CYP2C8: variants seen among roughly 807,000 people sequenced by gnomAD.
CYP2C8 encodes the protein cytochrome P450 family 2 subfamily C member 8, also known as cytochrome P450 2C8.
A neutral mutation model predicts 41.3 loss-of-function variants in CYP2C8; 51 were observed. The ratio of observed to expected loss-of-function variants is 1.24; its 90% CI spans 0.99 to 1.56. The LOEUF (loss-of-function observed/expected upper bound fraction) is 1.56, where lower values mean the gene tolerates loss of function less well. Among genes scored for constraint, CYP2C8 ranks in the 40% most tolerant of loss-of-function variants. CYP2C8 has a pLI of 0.00. For missense variants in CYP2C8, 651 were observed against 579.9 expected, an observed-to-expected ratio of 1.12 and a Z score of -1.26; for synonymous variants, 218 against 205.8, an observed-to-expected ratio of 1.06 and a Z score of -0.51.
Position 95,037,237 on chromosome 10 carries a change from T to A in CYP2C8, c.1364A>T (p.Asn455Ile). The change falls in exon 9 of 9, where the codon AAC (asparagine) becomes ATC (isoleucine). Residue 455 changes from asparagine to isoleucine, a missense_variant. Physicochemically the swap from Asn to Ile is moderately radical, Grantham distance 149. Transcript: ENST00000371270. ...LFLFLTTILQ[N>I]FNLKSVDDLK... ...ATCATCAACAGATTTCAGGTTAAAG[T>A]TCTGTAAAATTGTGGTTAGAAATAA... The A allele has an allele frequency of 6.2e-7, 1 of 1,613,836 alleles. No individual in the cohort carries two copies. The highest frequency in any genetic ancestry group is 8.5e-7 in the Non-Finnish European group (1 of 1,179,838).
At position 95,067,662 on chromosome 10, in the gene CYP2C8, G is replaced by A. The variant is rs780866535; in HGVS notation, c.198C>T (p.Thr66=). The change falls in exon 2 of 9, where the codon ACC becomes ACT. Residue 66 remains threonine, a synonymous_variant. Transcript: ENST00000371270. The part of the protein sequence containing the change: ...NFSKVYGPVF[T]VYFGMNPIVV... ...CTATGGGATTCATGCCAAAATACAC[G>A]GTGAACACAGGACCATAGACTTTTG... 1.7e-5 allele frequency: 27 copies of A among 1,613,926 alleles called. No homozygotes were observed. Among genetic ancestry groups the A allele is most frequent in the East Asian group, 4.5e-5 (2 of 44,890 alleles).
In CYP2C8 at chr10:95,062,158, G is replaced by T. The variant is rs144791249; in HGVS notation, c.642+2642C>A. The stretch of plus-strand genomic sequence containing the variant: ...AGTTCTGTAGATGTCTATTAGGTCC[G>T]CTTGGTGCAGAGCTGAGTTCAATTC... On this transcript the variant is annotated intron_variant, in intron 4 of 8. Transcript: ENST00000371270. Among the ~76,000 whole-genome samples, 14 of 152,150 alleles carry T rather than the reference G, an allele frequency of 9.2e-5. No individual in the cohort carries two copies. In the South Asian group the frequency reaches 2.9e-3, roughly 32 times the overall value.
intron 7 of CYP2C8, among the ~76,000 whole-genome samples, chr10:95,039,957 A>G (rs993893389): frequency 1.3e-5 from 2 of 152,210 alleles, no homozygotes; most frequent in Non-Finnish European, 2.9e-5. Context: ...AACATTTTAA[A>G]TGACTGCTGG....
At position 95,037,317 on chromosome 10, in the gene CYP2C8, T is replaced by C. The variant is rs186730985; in HGVS notation, c.1292-8A>G. The C allele has an allele frequency of 2.6e-4, 419 of 1,612,578 alleles. 4 individuals carry two copies. The South Asian group carries it at 3.9e-3, about 15-fold the overall frequency. Reference sequence around the variant, plus strand: ...CTGCACAAATTCGTTTTCCTGAAGATAACAAAGAAAGGAAGTAGTTACTCC... The same window carrying C: ...CTGCACAAATTCGTTTTCCTGAAGACAACAAAGAAAGGAAGTAGTTACTCC... On this transcript the variant is annotated splice_polypyrimidine_tract_variant and splice_region_variant and intron_variant, in intron 8 of 8. Coordinates refer to ENST00000371270, the MANE Select transcript of CYP2C8 (RefSeq NM_000770.3).
chr10:95,067,192 G>A lies in CYP2C8; in HGVS notation c.481+16C>T. The A allele has an allele frequency of 1.2e-6, 2 of 1,614,008 alleles. No homozygotes were observed. Among genetic ancestry groups the A allele is most frequent in the Non-Finnish European group, 1.7e-6 (2 of 1,179,922 alleles). On this transcript the variant is annotated intron_variant, in intron 3 of 8. Coordinates refer to ENST00000371270, the MANE Select transcript of CYP2C8 (RefSeq NM_000770.3). ...GGTAACTGTTAAGGTCAATGACGCAGAGTAGAGTCACCCACCCTTGGTTTT... is the reference window on the plus strand; with the variant it reads ...GGTAACTGTTAAGGTCAATGACGCAAAGTAGAGTCACCCACCCTTGGTTTT...
At chr10:95,039,235 T>C in intron 7 of CYP2C8, 197 bp from the exon 8 acceptor site, 3 of 585,132 alleles carry the variant, frequency 5.1e-6, no homozygotes, top group Non-Finnish European at 9.2e-6. Context: ...ATTTGAAGTC[T>C]TACATCTTGG....
At chr10:95,049,564 G>A (rs757922116) in intron 5 of CYP2C8, among the ~76,000 whole-genome samples, 6 of 152,102 alleles carry the variant, frequency 3.9e-5, no homozygotes, top group Non-Finnish European at 5.9e-5. Context: ...AACCAGCCCT[G>A]GCCAGAGGTG....
At chr10:95,044,746 T>A (rs2033075664) in intron 6 of CYP2C8, among the ~76,000 whole-genome samples, 1 of 152,142 alleles carries the variant, frequency 6.6e-6, no homozygotes, top group Non-Finnish European at 1.5e-5. Flanking sequence ...AGGTACCTGA[T>A]AAAAGGAGTT....
intron 8 of CYP2C8, 29 bp downstream of exon 8, chr10:95,038,868 A>C (rs750831683): frequency 3.1e-6 from 5 of 1,611,402 alleles, no homozygotes; most frequent in Non-Finnish European, 4.2e-6. Flanking sequence ...TCTTTCCTTT[A>C]AATACAAATG....
intron 4 of CYP2C8, among the ~76,000 whole-genome samples, chr10:95,061,982 T>G (rs1482197607): frequency 1.3e-5 from 2 of 152,228 alleles, no homozygotes; most frequent in Non-Finnish European, 2.9e-5. Flanking sequence ...AGTTCTAGTT[T>G]GATTGCGCTG....
At chr10:95,049,977 G>C (rs2033185713) in intron 5 of CYP2C8, among the ~76,000 whole-genome samples, 1 of 151,944 alleles carries the variant, frequency 6.6e-6, no homozygotes, top group African/African-American at 2.4e-5. Context: ...CAGCTAGCTG[G>C]CTATCAGGAA....
Position 95,069,408 on chromosome 10 carries a change from C to T in CYP2C8, c.-6G>A, listed in dbSNP as rs142144821. ...AGGACCACAAAAGGTTCCATTGAAG[C>T]CTTCTCTTCTTATTAAGACAGCTGT... is the stretch of plus-strand genomic sequence containing the variant. On this transcript the variant is annotated 5_prime_UTR_variant, in exon 1 of 9. Transcript: ENST00000371270. 2.6e-5 allele frequency: 42 copies of T among 1,613,762 alleles called. No individual in the cohort carries two copies. In the African/African-American group the frequency reaches 5.5e-4, roughly 21 times the overall value.
In CYP2C8 at chr10:95,058,500, A is replaced by C. The variant is rs1169468171; in HGVS notation, c.654T>G (p.Asn218Lys). 6.2e-7 allele frequency: 1 copy of C among 1,612,304 alleles called. No individual in the cohort carries two copies. Among genetic ancestry groups the C allele is most frequent in the Non-Finnish European group, 8.5e-7 (1 of 1,179,002 alleles). ...LNSPWIQVCNNFPLLIDCFPG... is the reference protein window; with the variant it reads ...LNSPWIQVCNKFPLLIDCFPG... ...GGAAACAATCAATGAGTAGAGGGAA[A>C]TTATTGCAGACCTAAAAGAGAAAAG... Residue 218 changes from asparagine to lysine, a missense_variant, in exon 5 of 9, where the codon AAT becomes AAG. Transcript: ENST00000371270.
chr10:95,054,309 C>A (rs764336469), intron 5 of CYP2C8, among the ~76,000 whole-genome samples: 1 of 151,970 alleles, frequency 6.6e-6, no homozygotes, highest in Non-Finnish European at 1.5e-5. Context: ...AAAAATCTAA[C>A]AAGATAGACC....
At chr10:95,067,131 C>A in intron 3 of CYP2C8, 77 bp downstream of exon 3, 2 of 1,604,804 alleles carry the variant, frequency 1.2e-6, no homozygotes, top group South Asian at 1.1e-5. Flanking sequence ...CCTGGCCACC[C>A]CTGAAATGTT....
At position 95,069,378 on chromosome 10, in the gene CYP2C8, GCACCAGGA is replaced by G; in HGVS notation, c.17_24del (p.Val6AlafsTer17). 1 of 1,614,096 alleles carries G rather than the reference GCACCAGGA, an allele frequency of 6.2e-7. No homozygotes were observed. Among genetic ancestry groups the G allele is most frequent in the Non-Finnish European group, 8.5e-7 (1 of 1,180,016 alleles). ...AAGAGAAGCATAAAAGAGAGACACA[GCACCAGGA>G]CCACAAAAGGTTCCATTGAAGCCTT... On this transcript the variant is annotated frameshift_variant, in exon 1 of 9. Transcript: ENST00000371270. LOFTEE classifies it high-confidence loss of function.
Position 95,045,924 on chromosome 10 carries a change from T to A in CYP2C8, c.847A>T (p.Asn283Tyr). Residue 283 changes from asparagine (N) to tyrosine (Y), a missense_variant, in exon 6 of 9, where the codon AAT becomes TAT. By Grantham distance (143) the Asn-to-Tyr change is moderately radical. Coordinates refer to ENST00000371270, the MANE Select transcript of CYP2C8 (RefSeq NM_000770.3). ...ACAGTGCCAACCAAGTTTTCAATAT[T>A]GAATTCTGACTTTTGGTTGTCCTTT... is the stretch of plus-strand genomic sequence containing the variant. ...QEKDNQKSEF[N>Y]IENLVGTVAD... The A allele has an allele frequency of 6.2e-7, 1 of 1,614,024 alleles. No individual in the cohort carries two copies. Among genetic ancestry groups the A allele is most frequent in the Non-Finnish European group, 8.5e-7 (1 of 1,179,888 alleles).
chr10:95,062,224 A>G (rs1300138653), intron 4 of CYP2C8, among the ~76,000 whole-genome samples: 1 of 152,116 alleles, frequency 6.6e-6, no homozygotes, highest in African/African-American at 2.4e-5. Flanking sequence ...TGATCTGTCT[A>G]ATGTTGACAG....
Position 95,043,083 on chromosome 10 carries a change from A to C in CYP2C8, c.962-6T>G. The C allele has an allele frequency of 6.2e-7, 1 of 1,614,120 alleles. No homozygotes were observed. The highest frequency in any genetic ancestry group is 2.2e-5 in the East Asian group (1 of 44,886). On this transcript the variant is annotated splice_polypyrimidine_tract_variant and splice_region_variant and intron_variant, in intron 6 of 8. Transcript: ENST00000371270. ...AATCTCTTCCTGGACTTTAGCTGAC[A>C]AGACACAAGAAAGAACTGATGGAAA...
Sources: allele counts gnomAD v4.1 joint callset (sites outside exome capture counted in the v4.1 genomes callset), GRCh38; gene constraint gnomAD v4.1.1; transcripts MANE v1.5; gene names NCBI Gene and HGNC (gene_info 2026-07-23, HGNC 2026-07-21).